SMARCC1: variants seen among roughly 807,000 people sequenced by gnomAD.
SMARCC1 encodes SWI/SNF related BAF chromatin remodeling complex subunit C1, also known as SWI/SNF complex subunit SMARCC1.
SMARCC1 carries 43 observed loss-of-function variants against 147.4 expected under a neutral mutation model. The observed-to-expected ratio is 0.29, with a 90% CI of 0.23 to 0.38. The LOEUF (loss-of-function observed/expected upper bound fraction) is 0.38. Ranked by LOEUF, SMARCC1 falls within the 10% of genes least tolerant of loss-of-function variation. The pLI, the probability that SMARCC1 is intolerant of heterozygous loss-of-function variation, is 1.00. For missense variants in SMARCC1, 1,119 were observed against 1,381.1 expected, an observed-to-expected ratio of 0.81 and a Z score of 3.01; for synonymous variants, 495 against 484.4, an observed-to-expected ratio of 1.02 and a Z score of -0.29.
chr3:47,699,998 C>T (rs770814176), intron 11 of SMARCC1, among the ~76,000 whole-genome samples: 1 of 151,536 alleles, frequency 6.6e-6, no homozygotes, highest in Non-Finnish European at 1.5e-5. Context: ...TAATCTAAAT[C>T]CTAGATTTTT....
intron 6 of SMARCC1, among the ~76,000 whole-genome samples, chr3:47,728,231 T>C (rs2034324485): frequency 6.6e-6 from 1 of 151,308 alleles, no homozygotes. Flanking sequence ...GGGTTACAAA[T>C]GGGTGCCAGC....
intron 1 of SMARCC1, 91 bp downstream of exon 1, chr3:47,781,512 G>A (rs866841548): frequency 1.1e-5 from 10 of 888,898 alleles, no homozygotes; most frequent in Middle Eastern, 6.5e-4. Flanking sequence ...TGGCGTGCGG[G>A]GGGGAGGGGC....
intron 20 of SMARCC1, 141 bp from the exon 21 acceptor site, chr3:47,661,596 A>C (rs1350574715): frequency 2.5e-5 from 14 of 554,288 alleles, no homozygotes; most frequent in Non-Finnish European, 3.7e-5. Context: ...CCTCTATACC[A>C]GAAAAATGAG....
chr3:47,615,156 G>A (rs551958636), intron 25 of SMARCC1, among the ~76,000 whole-genome samples: 1 of 152,130 alleles, frequency 6.6e-6, no homozygotes, highest in South Asian at 2.1e-4. Context: ...TACACACAAA[G>A]CTTGTATGTA....
intron 14 of SMARCC1, among the ~76,000 whole-genome samples, chr3:47,681,986 A>C (rs2033649985): frequency 6.6e-6 from 1 of 152,164 alleles, no homozygotes; most frequent in South Asian, 2.1e-4. Context: ...CGTTTCTGTA[A>C]ACTATAATCT....
At chr3:47,703,259 GGGCATGGT>G (rs1287380833) in intron 10 of SMARCC1, among the ~76,000 whole-genome samples, 1 of 152,138 alleles carries the variant, frequency 6.6e-6, no homozygotes, top group Non-Finnish European at 1.5e-5. Flanking sequence ...ATGCTAAGCC[GGGCATGGT>G]GGCATGCACC....
At chr3:47,693,054 G>A (rs56298117) in intron 12 of SMARCC1, among the ~76,000 whole-genome samples, 187 bp downstream of exon 12, 5 of 151,924 alleles carry the variant, frequency 3.3e-5, no homozygotes, top group Admixed American at 6.6e-5. Flanking sequence ...CCTATAATCC[G>A]AACTACTTGG....
At chr3:47,591,268 T>C (rs1246994371) in intron 26 of SMARCC1, among the ~76,000 whole-genome samples, 3 of 152,306 alleles carry the variant, frequency 2.0e-5, no homozygotes, top group South Asian at 2.1e-4. Flanking sequence ...TCAGTCCAGA[T>C]TGTGCTCCAT....
chr3:47,610,011 T>C (rs1330520458), intron 26 of SMARCC1, 55 bp downstream of exon 26: 12 of 1,580,136 alleles, frequency 7.6e-6, no homozygotes, highest in Non-Finnish European at 1.0e-5. Flanking sequence ...CCAATGATGC[T>C]CTGTGCCTCT....
At chr3:47,601,454 A>T (rs943000767) in intron 26 of SMARCC1, among the ~76,000 whole-genome samples, 1 of 152,204 alleles carries the variant, frequency 6.6e-6, no homozygotes, top group Non-Finnish European at 1.5e-5. Flanking sequence ...AAATAACAAA[A>T]TCAGGGCCAA....
intron 3 of SMARCC1, among the ~76,000 whole-genome samples, chr3:47,740,126 C>G (rs894506242): frequency 1.0e-4 from 15 of 145,494 alleles, no homozygotes; most frequent in Middle Eastern, 3.8e-3. Flanking sequence ...ACCTCAGTCT[C>G]TCAAAGAGCT....
intron 26 of SMARCC1, among the ~76,000 whole-genome samples, chr3:47,601,211 T>C (rs1386688333): frequency 6.6e-6 from 1 of 151,514 alleles, no homozygotes; most frequent in African/African-American, 2.4e-5. Context: ...AGTAGAAAAA[T>C]CCCTCATTCT....
At chr3:47,609,365 T>TG (rs1197610135) in intron 26 of SMARCC1, among the ~76,000 whole-genome samples, 5 of 151,794 alleles carry the variant, frequency 3.3e-5, no homozygotes, top group Non-Finnish European at 7.4e-5. Flanking sequence ...GGCATGGTGG[T>TG]GGGCGCCTGT....
At chr3:47,745,765 T>C (rs1379065129) in intron 3 of SMARCC1, 143 bp downstream of exon 3, 7 of 497,660 alleles carry the variant, frequency 1.4e-5, no homozygotes, top group Non-Finnish European at 2.2e-5. Flanking sequence ...GATATTTTTC[T>C]TGGATGTAGA....
chr3:47,779,136 C>A (rs7641111), intron 1 of SMARCC1, among the ~76,000 whole-genome samples: 17,177 of 150,950 alleles, frequency 0.11, 3,118 homozygotes, highest in African/African-American at 0.38. Context: ...CAGTTGTTCA[C>A]TGAATGCATG....
intron 10 of SMARCC1, among the ~76,000 whole-genome samples, chr3:47,703,144 G>C (rs918323228): frequency 2.0e-5 from 3 of 152,030 alleles, no homozygotes; most frequent in African/African-American, 7.2e-5. Flanking sequence ...ATGCTGCCCA[G>C]GCTGGTCTCT....
chr3:47,735,046 C>T (rs2034424171), intron 5 of SMARCC1, among the ~76,000 whole-genome samples: 3 of 152,108 alleles, frequency 2.0e-5, no homozygotes, highest in Admixed American at 6.6e-5. Flanking sequence ...TGAGCCACCA[C>T]GCCCGGCCTT....
At chr3:47,651,479 G>T (rs182360181) in intron 21 of SMARCC1, among the ~76,000 whole-genome samples, 5 of 152,108 alleles carry the variant, frequency 3.3e-5, no homozygotes, top group Non-Finnish European at 4.4e-5. Flanking sequence ...CCTCCTTGCT[G>T]TTCTTCAAGT....
At chr3:47,597,173 G>C (rs2032298146) in intron 26 of SMARCC1, among the ~76,000 whole-genome samples, 1 of 150,710 alleles carries the variant, frequency 6.6e-6, no homozygotes, top group Non-Finnish European at 1.5e-5. Context: ...AAAAAAGAGA[G>C]AGAGATGAGG....
Sources: gnomAD v4.1 joint callset for allele counts (sites outside exome capture counted in the v4.1 genomes callset) on GRCh38, gnomAD v4.1.1 for gene constraint, MANE v1.5 for transcripts, NCBI Gene and HGNC (gene_info 2026-07-23, HGNC 2026-07-21) for gene names.